THOC7: variants seen among roughly 807,000 people sequenced by gnomAD.
The protein encoded by THOC7 is NIF3L1-binding protein 1.
A neutral mutation model predicts 33.1 loss-of-function variants in THOC7; 22 were observed. That is an observed-to-expected ratio of 0.66 (90% CI 0.47 to 0.95). The LOEUF (loss-of-function observed/expected upper bound fraction) is 0.95, where lower values mean the gene tolerates loss of function less well. Ranked by LOEUF, THOC7 falls within the 40% of genes least tolerant of loss-of-function variation. The pLI is 0.00. For missense variants in THOC7, 184 were observed against 245.3 expected (o/e 0.75, Z 1.67); for synonymous variants, 77 against 76.8 (o/e 1.00, Z -0.01).
intron 1 of THOC7, among the ~76,000 whole-genome samples, chr3:63,855,175 T>C (rs958119977): frequency 1.9e-4 from 29 of 152,124 alleles, no homozygotes; most frequent in African/African-American, 6.5e-4. Flanking sequence ...TGTTAACCAC[T>C]GAAAACATAA....
At position 63,845,141 on chromosome 3, in the gene THOC7, G is replaced by A. The variant is rs1701861509; in HGVS notation, c.20-5368C>T. On this transcript the variant is annotated intron_variant, in intron 1 of 7. Transcript: ENST00000295899. ...TACTATCTCCTTCATGTAGCCCTGA[G>A]GGTTAAGTCCCCCTCAGATCTGAGC... The A allele has an allele frequency of 9.4e-6, 6 of 640,152 alleles. No individual in the cohort carries two copies. The East Asian group carries it at 1.6e-4, about 17-fold the overall frequency. The allele number at this position is 640,152 out of a possible 1,614,324, so 39.7% of individuals were successfully genotyped here. A position where few individuals can be genotyped will look rare whatever the true frequency, so the allele number is the denominator to read the frequency against.
At chr3:63,846,732 A>G (rs1260506454) in intron 1 of THOC7, among the ~76,000 whole-genome samples, 1 of 152,154 alleles carries the variant, frequency 6.6e-6, no homozygotes, top group African/African-American at 2.4e-5. Context: ...TTATAACCCC[A>G]GTATACTTGA....
At chr3:63,862,010 T>C (rs1377192111) in intron 1 of THOC7, among the ~76,000 whole-genome samples, 1 of 152,144 alleles carries the variant, frequency 6.6e-6, no homozygotes, top group African/African-American at 2.4e-5. Flanking sequence ...AGGCTGGTCT[T>C]GAACTTCTGA....
chr3:63,837,275 A>G (rs1007107992), intron 4 of THOC7, among the ~76,000 whole-genome samples: 6 of 151,990 alleles, frequency 3.9e-5, no homozygotes, highest in African/African-American at 1.2e-4. Flanking sequence ...CAAAATAACC[A>G]TTAACATTTT....
chr3:63,850,412 G>A (rs1321318340), intron 1 of THOC7, among the ~76,000 whole-genome samples: 3 of 150,958 alleles, frequency 2.0e-5, no homozygotes, highest in African/African-American at 7.3e-5. Context: ...TTTTGGCCAG[G>A]CTGGTCTCAA....
chr3:63,852,113 C>T (rs1702030975), intron 1 of THOC7, among the ~76,000 whole-genome samples: 1 of 152,162 alleles, frequency 6.6e-6, no homozygotes, highest in South Asian at 2.1e-4. Context: ...TGGGAAGATA[C>T]AGCCATAAAA....
chr3:63,848,041 T>C (rs1043204812), intron 1 of THOC7, among the ~76,000 whole-genome samples: 2 of 152,198 alleles, frequency 1.3e-5, no homozygotes, highest in African/African-American at 4.8e-5. Flanking sequence ...AACAGACTCT[T>C]TGTACCAATA....
chr3:63,859,511 G>T (rs965650690), intron 1 of THOC7, among the ~76,000 whole-genome samples: 2 of 152,192 alleles, frequency 1.3e-5, no homozygotes, highest in Non-Finnish European at 2.9e-5. Context: ...TCTCTATCTG[G>T]AATACTTTCC....
intron 3 of THOC7, 100 bp from the exon 4 acceptor site, chr3:63,838,162 T>C: frequency 1.8e-6 from 2 of 1,136,304 alleles, no homozygotes; most frequent in Admixed American, 2.5e-5. Context: ...GGTAACAAAA[T>C]AGACACTAGT....
intron 2 of THOC7, among the ~76,000 whole-genome samples, 173 bp downstream of exon 2, chr3:63,839,483 G>A (rs1301971639): frequency 6.6e-6 from 1 of 152,080 alleles, no homozygotes; most frequent in Non-Finnish European, 1.5e-5. Context: ...ATAAACATAT[G>A]AGAGGCCTTT....
chr3:63,845,969 C>A (rs998131052), intron 1 of THOC7: 3 of 169,540 alleles, frequency 1.8e-5, no homozygotes, highest in African/African-American at 7.2e-5. Flanking sequence ...CCCCGAGCCT[C>A]CCAAATTATG....
chr3:63,842,113 T>G (rs1181178649), intron 1 of THOC7, among the ~76,000 whole-genome samples: 1 of 152,092 alleles, frequency 6.6e-6, no homozygotes, highest in Non-Finnish European at 1.5e-5. Flanking sequence ...GGTTTGAATG[T>G]CCCCTCCAAA....
chr3:63,861,215 T>A (rs887973228), intron 1 of THOC7, among the ~76,000 whole-genome samples: 1 of 152,218 alleles, frequency 6.6e-6, no homozygotes, highest in Non-Finnish European at 1.5e-5. Flanking sequence ...TAGAGATTCC[T>A]GTGGCTTTTA....
At chr3:63,836,471 A>G (rs1344938379) in intron 4 of THOC7, 113 bp from the exon 5 acceptor site, 1 of 944,374 alleles carries the variant, frequency 1.1e-6, no homozygotes, top group Non-Finnish European at 1.6e-6. Flanking sequence ...ACATCAAGAA[A>G]TGAAATCACT....
intron 1 of THOC7, chr3:63,863,301 C>T: frequency 3.0e-6 from 1 of 335,342 alleles, no homozygotes. Context: ...CCTGGAGCTC[C>T]CACTCCCTCC....
At chr3:63,837,305 CATATCA>C (rs1242003926) in intron 4 of THOC7, among the ~76,000 whole-genome samples, 1 of 151,546 alleles carries the variant, frequency 6.6e-6, no homozygotes, top group Non-Finnish European at 1.5e-5. Flanking sequence ...TCTAGTTTTT[CATATCA>C]ATGTAACAGT....
At chr3:63,846,120 G>A (rs972837881) in intron 1 of THOC7, 3 of 397,524 alleles carry the variant, frequency 7.5e-6, no homozygotes, top group African/African-American at 4.2e-5. Flanking sequence ...TGGTAAAACT[G>A]ATGTAACTCC....
intron 1 of THOC7, among the ~76,000 whole-genome samples, chr3:63,840,527 G>A (rs1701733958): frequency 6.6e-6 from 1 of 152,108 alleles, no homozygotes; most frequent in Non-Finnish European, 1.5e-5. Flanking sequence ...GGAGATCAAG[G>A]CTGCATTGAG....
intron 4 of THOC7, 84 bp downstream of exon 4, chr3:63,837,892 A>AT (rs1468979407): frequency 9.5e-6 from 12 of 1,263,874 alleles, no homozygotes; most frequent in Non-Finnish European, 1.3e-5. Flanking sequence ...CAGGCTGCAG[A>AT]TTTTACCTCA....
Sources: allele counts gnomAD v4.1 joint callset (sites outside exome capture counted in the v4.1 genomes callset), GRCh38; gene constraint gnomAD v4.1.1; transcripts MANE v1.5; gene names NCBI Gene and HGNC (gene_info 2026-07-23, HGNC 2026-07-21).